CSNK1G1: variants seen among roughly 807,000 people sequenced by gnomAD.
CSNK1G1 encodes the protein casein kinase 1 gamma 1, also known as casein kinase I isoform gamma-1.
Under a neutral mutation model 59.6 loss-of-function variants are expected in CSNK1G1, and 22 were observed. That is an observed-to-expected ratio of 0.37 (90% CI 0.26 to 0.53). CSNK1G1 has a LOEUF of 0.53. Among genes scored for constraint, CSNK1G1 ranks in the 20% least tolerant of loss-of-function variants. The probability of loss-of-function intolerance (pLI) is 0.89; values close to 1 mark genes in which losing one functional copy is unlikely to be tolerated. For synonymous variants in CSNK1G1, 179 were observed against 177.1 expected, an observed-to-expected ratio of 1.01 and a Z score of -0.08; for missense variants, 384 against 519.5, an observed-to-expected ratio of 0.74 and a Z score of 2.54.
intron 4 of CSNK1G1, among the ~76,000 whole-genome samples, chr15:64,227,053 A>G (rs1183304400): frequency 6.6e-6 from 1 of 152,244 alleles, no homozygotes; most frequent in Non-Finnish European, 1.5e-5. Flanking sequence ...TATGGTAGAT[A>G]TGGTTAAAAT....
intron 1 of CSNK1G1, among the ~76,000 whole-genome samples, chr15:64,339,707 T>G (rs1369253222): frequency 6.6e-6 from 1 of 152,224 alleles, no homozygotes; most frequent in Non-Finnish European, 1.5e-5. Context: ...TAATTAAGAT[T>G]AAAGCAAAAG....
chr15:64,349,780 A>G (rs1898180313), intron 1 of CSNK1G1, among the ~76,000 whole-genome samples: 1 of 152,136 alleles, frequency 6.6e-6, no homozygotes, highest in Non-Finnish European at 1.5e-5. Context: ...AGAATTTATT[A>G]AGATCCAAAA....
In CSNK1G1 at chr15:64,224,045, G is replaced by A. The variant is rs11857645; in HGVS notation, c.293-7332C>T. ...AGAACTGAAATAGAACCACCTCAAA[G>A]GTTTTGGTAATTTGATCCTATTATT... On this transcript the variant is annotated intron_variant, in intron 4 of 11. Coordinates refer to ENST00000303052, the MANE Select transcript of CSNK1G1 (RefSeq NM_022048.5). 8.3e-3 allele frequency among the ~76,000 whole-genome samples: 1,256 copies of A among 152,182 alleles called. 17 individuals carry two copies. The highest frequency in any genetic ancestry group is 0.028 in the African/African-American group (1,175 of 41,506).
intron 1 of CSNK1G1, among the ~76,000 whole-genome samples, chr15:64,305,163 T>C (rs747033675): frequency 6.6e-6 from 1 of 152,170 alleles, no homozygotes; most frequent in Non-Finnish European, 1.5e-5. Context: ...TACCAACATC[T>C]GTCATTCCAA....
rs1305742672 is a variant in CSNK1G1, at chr15:64,248,046, CA to C, written c.292+3465del. Among the ~76,000 whole-genome samples the C allele has an allele frequency of 5.3e-5, 8 of 152,122 alleles. No homozygotes were observed. The East Asian group carries it at 1.2e-3, about 22-fold the overall frequency. ...CAGACAAAACACTAGTGAGTAAAAA[CA>C]CTAATTATGTTACTGTGGTCTTTGT... On this transcript the variant is annotated intron_variant, in intron 4 of 11. Transcript: ENST00000303052.
At chr15:64,223,201 C>T (rs1005902538) in intron 4 of CSNK1G1, among the ~76,000 whole-genome samples, 2 of 151,954 alleles carry the variant, frequency 1.3e-5, no homozygotes, top group African/African-American at 4.8e-5. Flanking sequence ...GATTACCACA[C>T]AGTAACGGCT....
At chr15:64,177,175 C>G (rs1026881721) in intron 11 of CSNK1G1, among the ~76,000 whole-genome samples, 6 of 152,118 alleles carry the variant, frequency 3.9e-5, no homozygotes, top group African/African-American at 1.4e-4. Context: ...GGGTGAGGAA[C>G]CCAAAATCAA....
chr15:64,234,664 T>C (rs1179714297), intron 4 of CSNK1G1, among the ~76,000 whole-genome samples: 1 of 152,214 alleles, frequency 6.6e-6, no homozygotes, highest in Non-Finnish European at 1.5e-5. Flanking sequence ...TGGCTTGCTA[T>C]TTAGCAAGTG....
chr15:64,212,677 C>G (rs1052675884), intron 6 of CSNK1G1, among the ~76,000 whole-genome samples: 2 of 152,116 alleles, frequency 1.3e-5, no homozygotes, highest in East Asian at 3.9e-4. Context: ...CTGCTGCACT[C>G]CAGCCTGAGT....
At chr15:64,321,197 C>T (rs1896543932) in intron 1 of CSNK1G1, among the ~76,000 whole-genome samples, 1 of 151,326 alleles carries the variant, frequency 6.6e-6, no homozygotes, top group African/African-American at 2.4e-5. Flanking sequence ...AAATGAGCAT[C>T]ACACAAAATA....
At chr15:64,314,427 A>G (rs1330054793) in intron 1 of CSNK1G1, among the ~76,000 whole-genome samples, 2 of 152,022 alleles carry the variant, frequency 1.3e-5, no homozygotes, top group East Asian at 1.9e-4. Flanking sequence ...AATATAATAT[A>G]TAATAATTAA....
Position 64,171,530 on chromosome 15 carries a change from C to A in CSNK1G1, c.*401G>T, listed in dbSNP as rs967244401. Reference sequence around the variant, plus strand: ...TCTTGATCTCCTTCTGCAGACAAAGCCTTTAGCTCACTAGGTTTTATGCTG... The same window carrying A: ...TCTTGATCTCCTTCTGCAGACAAAGACTTTAGCTCACTAGGTTTTATGCTG... On this transcript the variant is annotated 3_prime_UTR_variant, in exon 12 of 12. Coordinates refer to ENST00000303052, the MANE Select transcript of CSNK1G1 (RefSeq NM_022048.5). The surrounding 1 kb of genome is among the most constrained non-coding windows in gnomAD (Gnocchi z 4.8). 4 of 188,870 alleles carry A rather than the reference C, an allele frequency of 2.1e-5. No individual in the cohort carries two copies. In the South Asian group the frequency reaches 4.4e-4, roughly 21 times the overall value. The allele number at this position is 188,870 out of a possible 1,614,324, so 11.7% of individuals were successfully genotyped here. A position where few individuals can be genotyped will look rare whatever the true frequency, so the allele number is the denominator to read the frequency against.
At chr15:64,322,742 A>C (rs1237849914) in intron 1 of CSNK1G1, among the ~76,000 whole-genome samples, 2 of 152,122 alleles carry the variant, frequency 1.3e-5, no homozygotes, top group Non-Finnish European at 2.9e-5. Flanking sequence ...CTGAAGTGGG[A>C]TGATCACTTA....
chr15:64,286,565 A>G (rs896700748), intron 2 of CSNK1G1, among the ~76,000 whole-genome samples: 1 of 152,034 alleles, frequency 6.6e-6, no homozygotes, highest in Non-Finnish European at 1.5e-5. Context: ...ATAGTTACTA[A>G]TTTCTAAGTA....
In CSNK1G1 at chr15:64,207,793, G is replaced by A. The variant is rs762936771; in HGVS notation, c.680-199C>T. Among the ~76,000 whole-genome samples, 14 of 152,142 alleles carry A rather than the reference G, an allele frequency of 9.2e-5. No homozygotes were observed. The South Asian group carries it at 2.5e-3, about 27-fold the overall frequency. On this transcript the variant is annotated intron_variant, in intron 6 of 11. Transcript: ENST00000303052. ...CTTCCTTTGCCTAGATCTGTTGATG[G>A]TAAGTAAATATCAAGAGAAAAGAGC...
chr15:64,308,876 G>A (rs531359265), intron 1 of CSNK1G1, among the ~76,000 whole-genome samples: 2 of 140,412 alleles, frequency 1.4e-5, no homozygotes, highest in African/African-American at 2.6e-5. Flanking sequence ...CAGCCTGGGC[G>A]ACAGAGTGAG....
chr15:64,230,706 C>T (rs2082535471), intron 4 of CSNK1G1, among the ~76,000 whole-genome samples: 1 of 152,206 alleles, frequency 6.6e-6, no homozygotes. Flanking sequence ...GGTGCAGTGG[C>T]TCACGCCTGT....
intron 2 of CSNK1G1, among the ~76,000 whole-genome samples, chr15:64,269,473 G>A (rs1037087772): frequency 6.7e-6 from 1 of 149,464 alleles, no homozygotes; most frequent in Non-Finnish European, 1.5e-5. Context: ...AGAGGTGTTT[G>A]TAGCAGTTTC....
chr15:64,288,759 C>G (rs1045908455), intron 2 of CSNK1G1, among the ~76,000 whole-genome samples: 6 of 152,128 alleles, frequency 3.9e-5, no homozygotes, highest in Non-Finnish European at 7.4e-5. Flanking sequence ...GCCATAAGTT[C>G]AGACAGTTTT....
Sources: allele counts gnomAD v4.1 joint callset (sites outside exome capture counted in the v4.1 genomes callset), GRCh38; gene constraint gnomAD v4.1.1; non-coding constraint Gnocchi (gnomAD v3.1); transcripts MANE v1.5; gene names NCBI Gene and HGNC (gene_info 2026-07-23, HGNC 2026-07-21).